The following USP13 variants were observed in gnomAD, a reference collection of about 807,000 sequenced individuals.
The protein encoded by USP13 is ubiquitin carboxyl-terminal hydrolase 13.
Under a neutral mutation model 107.8 loss-of-function variants are expected in USP13, and 68 were observed. The ratio of observed to expected loss-of-function variants is 0.63; its 90% CI spans 0.52 to 0.77. The LOEUF is 0.77. Among genes scored for constraint, USP13 ranks in the 30% least tolerant of loss-of-function variants. The pLI is 0.00. For synonymous variants in USP13, 377 were observed against 389.5 expected, an observed-to-expected ratio of 0.97 and a Z score of 0.38; for missense variants, 945 against 1,093.3, an observed-to-expected ratio of 0.86 and a Z score of 1.91.
intron 10 of USP13, among the ~76,000 whole-genome samples, chr3:179,738,140 C>G (rs557509733): frequency 6.6e-6 from 1 of 152,282 alleles, no homozygotes; most frequent in Admixed American, 6.5e-5. Flanking sequence ...ATGGCCTCCA[C>G]CGCAAAGGCT....
In USP13 at chr3:179,721,255, T is replaced by TC. The variant is rs1454857508; in HGVS notation, c.901-146dup. The stretch of plus-strand genomic sequence containing the variant: ...TTGTGCCACCATCACCGTCTCTCAG[T>TC]CTTTTTTATTTGCATTGTTTATTTC... On this transcript the variant is annotated intron_variant, in intron 7 of 20. Coordinates refer to ENST00000263966, the MANE Select transcript of USP13 (RefSeq NM_003940.3). The surrounding 1 kb of genome is among the most constrained non-coding windows in gnomAD (Gnocchi z 4.3). 2.7e-5 allele frequency: 22 copies of TC among 802,596 alleles called. No homozygotes were observed. The highest frequency in any genetic ancestry group is 3.7e-5 in the Non-Finnish European group (19 of 519,816). 49.7% of individuals were successfully genotyped at this position (802,596 alleles called of 1,614,324 possible).
At chr3:179,754,665 A>G (rs1256998185) in intron 14 of USP13, 67 bp from the exon 15 acceptor site, 20 of 1,554,138 alleles carry the variant, frequency 1.3e-5, no homozygotes, top group Non-Finnish European at 1.5e-5. Context: ...ATGTAGAGTT[A>G]TAGTGCTGGT....
chr3:179,777,705 C>G (rs1385022365), intron 19 of USP13, among the ~76,000 whole-genome samples: 1 of 151,866 alleles, frequency 6.6e-6, no homozygotes, highest in Non-Finnish European at 1.5e-5. Context: ...ATCCACCTTG[C>G]CTCCCAAAGT....
At chr3:179,664,736 G>A (rs1395956295) in intron 1 of USP13, among the ~76,000 whole-genome samples, 2 of 152,218 alleles carry the variant, frequency 1.3e-5, no homozygotes, top group Non-Finnish European at 1.5e-5. Flanking sequence ...ATCTGAATAC[G>A]CCTCTGGACA....
chr3:179,730,039 A>C lies in USP13; in HGVS notation c.1089-150A>C, dbSNP rs1713742686. ...TTTCAGGAAGGTCATGAGTGCTGGTAGGGGTAGAATCTCATGAAAAACTTT... is the reference window on the plus strand; with the variant it reads ...TTTCAGGAAGGTCATGAGTGCTGGTCGGGGTAGAATCTCATGAAAAACTTT... On this transcript the variant is annotated intron_variant, in intron 8 of 20. Coordinates refer to ENST00000263966, the MANE Select transcript of USP13 (RefSeq NM_003940.3). 3 of 644,752 alleles carry C rather than the reference A, an allele frequency of 4.7e-6. No homozygotes were observed. The Admixed American group carries it at 9.2e-5, about 20-fold the overall frequency. The allele number at this position is 644,752 out of a possible 1,614,324, so 39.9% of individuals were successfully genotyped here. A position where few individuals can be genotyped will look rare whatever the true frequency, so the allele number is the denominator to read the frequency against.
At position 179,752,268 on chromosome 3, in the gene USP13, C is replaced by T. The variant is rs373267622; in HGVS notation, c.1710-17C>T. The T allele has an allele frequency of 1.5e-5, 24 of 1,604,826 alleles. No individual in the cohort carries two copies. Among genetic ancestry groups the T allele is most frequent in the Non-Finnish European group, 2.0e-5 (23 of 1,172,398 alleles). On this transcript the variant is annotated splice_polypyrimidine_tract_variant and intron_variant, in intron 13 of 20. Transcript: ENST00000263966. ...TTATTGCCTTGTTTCATTGATATAT[C>T]CCCTTGTGTTTCCCAGAACATCTCG...
chr3:179,706,543 G>A (rs1003898178), intron 4 of USP13, among the ~76,000 whole-genome samples: 5 of 152,214 alleles, frequency 3.3e-5, no homozygotes, highest in East Asian at 3.8e-4. Flanking sequence ...GGATATCTGA[G>A]TGTACATTTG....
At chr3:179,667,612 G>T (rs1720624972) in intron 1 of USP13, among the ~76,000 whole-genome samples, 1 of 152,068 alleles carries the variant, frequency 6.6e-6, no homozygotes, top group African/African-American at 2.4e-5. Context: ...AGCTGCAGTG[G>T]GGGACAGCAT....
intron 8 of USP13, among the ~76,000 whole-genome samples, chr3:179,726,113 G>C (rs1189338499): frequency 6.6e-6 from 1 of 152,210 alleles, no homozygotes; most frequent in Admixed American, 6.5e-5. Context: ...GAGGAAGGGT[G>C]GGGGCGGCCC....
intron 8 of USP13, among the ~76,000 whole-genome samples, chr3:179,728,775 C>G (rs1180439860): frequency 6.6e-6 from 1 of 152,204 alleles, no homozygotes; most frequent in Non-Finnish European, 1.5e-5. Context: ...CGGTTAGGGG[C>G]TGGAGACCGG....
intron 14 of USP13, 118 bp from the exon 15 acceptor site, chr3:179,754,614 G>A: frequency 3.9e-6 from 5 of 1,290,352 alleles, no homozygotes; most frequent in Non-Finnish European, 3.1e-6. Context: ...ACATATTCTA[G>A]GGAATTGAAA....
At chr3:179,773,088 C>G (rs1394827507) in intron 19 of USP13, among the ~76,000 whole-genome samples, 1 of 152,170 alleles carries the variant, frequency 6.6e-6, no homozygotes, top group African/African-American at 2.4e-5. Flanking sequence ...TGTTGATATG[C>G]AAACTGCAGT....
chr3:179,707,211 T>A, intron 5 of USP13, 135 bp downstream of exon 5: 1 of 1,202,244 alleles, frequency 8.3e-7, no homozygotes, highest in Non-Finnish European at 1.1e-6. Flanking sequence ...AATATAAAAC[T>A]TCTCTAAAAT....
At chr3:179,775,565 A>C (rs774618558) in intron 19 of USP13, among the ~76,000 whole-genome samples, 1 of 152,190 alleles carries the variant, frequency 6.6e-6, no homozygotes, top group Non-Finnish European at 1.5e-5. Context: ...ACTGCGGAGC[A>C]GGGGGCGGTG....
intron 4 of USP13, 136 bp downstream of exon 4, chr3:179,701,265 C>A: frequency 8.7e-7 from 1 of 1,144,496 alleles, no homozygotes. Context: ...TGAAAATGAG[C>A]ATGAACACGC....
At chr3:179,689,050 A>G (rs1379348193) in intron 2 of USP13, among the ~76,000 whole-genome samples, 1 of 152,214 alleles carries the variant, frequency 6.6e-6, no homozygotes, top group Non-Finnish European at 1.5e-5. Flanking sequence ...TTCAAAGTCA[A>G]CTATTAAAAT....
Position 179,701,123 on chromosome 3 carries a change from A to T in USP13, c.471A>T (p.Pro157=). 6.4e-7 allele frequency: 1 copy of T among 1,554,914 alleles called. No individual in the cohort carries two copies. The highest frequency in any genetic ancestry group is 2.5e-5 in the East Asian group (1 of 40,102). ...CACTACCAAATATTGAGGAGTTACCAGCCCTGGTCAGTGAGTGTGCACGGC... is the reference window on the plus strand; with the variant it reads ...CACTACCAAATATTGAGGAGTTACCTGCCCTGGTCAGTGAGTGTGCACGGC... ...EIALPNIEEL[P]ALVTIACDAV... is the part of the protein sequence containing the mutation. The change falls in exon 4 of 21, where the codon CCA becomes CCT. Residue 157 remains proline, a synonymous_variant. Coordinates refer to ENST00000263966, the MANE Select transcript of USP13 (RefSeq NM_003940.3).
intron 17 of USP13, among the ~76,000 whole-genome samples, chr3:179,761,653 C>A (rs755579276): frequency 6.6e-6 from 1 of 152,000 alleles, no homozygotes; most frequent in South Asian, 2.1e-4. Context: ...ACGCAGGAGG[C>A]GGAGGCTGCA....
chr3:179,658,044 G>C (rs1720334163), intron 1 of USP13, among the ~76,000 whole-genome samples: 1 of 152,212 alleles, frequency 6.6e-6, no homozygotes, highest in East Asian at 1.9e-4. Context: ...GCTTGTCCAT[G>C]TGTAAGACTC....
Sources: allele counts gnomAD v4.1 joint callset (sites outside exome capture counted in the v4.1 genomes callset), GRCh38; gene constraint gnomAD v4.1.1; non-coding constraint Gnocchi (gnomAD v3.1); transcripts MANE v1.5; gene names NCBI Gene and HGNC (gene_info 2026-07-23, HGNC 2026-07-21).